PDS5B: variants seen among roughly 807,000 people sequenced by gnomAD.
The protein encoded by PDS5B is PDS5 cohesin associated factor B.
A neutral mutation model predicts 184.1 loss-of-function variants in PDS5B; 51 were observed. That is an observed-to-expected ratio of 0.28 (90% CI 0.22 to 0.35). The LOEUF is 0.35. PDS5B is among the 10% of genes least tolerant of loss of function. The pLI, the probability that PDS5B is intolerant of heterozygous loss-of-function variation, is 1.00. For missense variants in PDS5B, 1,180 were observed against 1,723.3 expected (o/e 0.68, Z 5.58); for synonymous variants, 566 against 569.2 (o/e 0.99, Z 0.08).
At chr13:32,705,953 C>T (rs1261944112) in intron 17 of PDS5B, among the ~76,000 whole-genome samples, 1 of 152,038 alleles carries the variant, frequency 6.6e-6, no homozygotes, top group Non-Finnish European at 1.5e-5. Context: ...AGGAGTGAGC[C>T]ACTGTGCCTG....
chr13:32,594,693 A>ATTTGTT (rs2057831179), intron 1 of PDS5B, among the ~76,000 whole-genome samples: 1 of 152,198 alleles, frequency 6.6e-6, no homozygotes, highest in African/African-American at 2.4e-5. Flanking sequence ...GTCTTAAACT[A>ATTTGTT]TTTGTTTTTG....
intron 31 of PDS5B, among the ~76,000 whole-genome samples, chr13:32,769,287 C>T (rs1269035648): frequency 6.6e-6 from 1 of 152,154 alleles, no homozygotes; most frequent in Non-Finnish European, 1.5e-5. Context: ...AGTTCACATA[C>T]AGGAAGCTCA....
chr13:32,714,268 CAG>C (rs1952300092), intron 19 of PDS5B, among the ~76,000 whole-genome samples: 1 of 152,158 alleles, frequency 6.6e-6, no homozygotes, highest in Admixed American at 6.5e-5. Context: ...AATCAGGAGA[CAG>C]CGTTTTGAGA....
intron 15 of PDS5B, 88 bp downstream of exon 15, chr13:32,696,990 G>T (rs1951726359): frequency 4.0e-6 from 3 of 758,142 alleles, no homozygotes; most frequent in Admixed American, 5.4e-5. Flanking sequence ...TTTGTTATAG[G>T]CTATGATAAT....
chr13:32,695,847 T>A (rs952564292), intron 14 of PDS5B, among the ~76,000 whole-genome samples: 2 of 152,060 alleles, frequency 1.3e-5, no homozygotes, highest in Non-Finnish European at 2.9e-5. Flanking sequence ...TCAGCTAGAA[T>A]GTTTTAGTTC....
Position 32,770,196 on chromosome 13 carries a change from T to C in PDS5B, c.3700T>C (p.Leu1234=), listed in dbSNP as rs1479884363. ...EQEEKLGMDD[L]TKLVQEQKPK... ...GGAGGAGAAATTAGGTATGGATGAC[T>C]TGACTAAGTTGGTACAGGAACAGAA... Residue 1234 remains leucine (L), a synonymous_variant, in exon 32 of 35, where the codon TTG becomes CTG. Transcript: ENST00000315596. 3 of 1,613,926 alleles carry C rather than the reference T, an allele frequency of 1.9e-6. No individual in the cohort carries two copies. Among genetic ancestry groups the C allele is most frequent in the Non-Finnish European group, 2.5e-6 (3 of 1,179,964 alleles).
At chr13:32,684,098 TTAAA>T (rs1202902657) in intron 11 of PDS5B, 75 bp downstream of exon 11, 2 of 696,584 alleles carry the variant, frequency 2.9e-6, no homozygotes, top group Non-Finnish European at 4.4e-6. Context: ...GAAAATATAT[TTAAA>T]TATACATATT....
chr13:32,598,148 G>A (rs934559822), intron 1 of PDS5B, among the ~76,000 whole-genome samples: 10 of 150,696 alleles, frequency 6.6e-5, no homozygotes, highest in African/African-American at 2.0e-4. Context: ...TGATCTTGGC[G>A]CACTGCAACC....
chr13:32,654,536 T>TA (rs1210577551), intron 3 of PDS5B, among the ~76,000 whole-genome samples: 1 of 152,022 alleles, frequency 6.6e-6, no homozygotes, highest in African/African-American at 2.4e-5. Flanking sequence ...CCTTTTTTTT[T>TA]AAAAAATTGT....
In PDS5B at chr13:32,692,414, C is replaced by CTTTTTTTTTTTTTTTTTTTT. The variant is rs1593440334; in HGVS notation, c.1470-1809_1470-1808insTTTTTTTTTTTTTTTTTTTT. On this transcript the variant is annotated intron_variant, in intron 13 of 34. Coordinates refer to ENST00000315596, the MANE Select transcript of PDS5B (RefSeq NM_015032.4). ...ATTAAACAAGTTTGCGTCCAAAAAG[C>CTTTTTTTTTTTTTTTTTTTT]CTTTTTTTTTTTTTTTTTTTTTTTT... 3.9e-4 allele frequency among the ~76,000 whole-genome samples: 27 copies of CTTTTTTTTTTTTTTTTTTTT among 69,152 alleles called. 13 individuals carry two copies. Among genetic ancestry groups the CTTTTTTTTTTTTTTTTTTTT allele is most frequent in the Admixed American group, 7.9e-4 (4 of 5,080 alleles). The allele number at this position is 69,152 out of a possible 152,430, so 45.4% of individuals were successfully genotyped here. A position where few individuals can be genotyped will look rare whatever the true frequency, so the allele number is the denominator to read the frequency against.
intron 1 of PDS5B, among the ~76,000 whole-genome samples, chr13:32,636,654 C>T (rs1200070991): frequency 6.6e-6 from 1 of 152,168 alleles, no homozygotes; most frequent in Non-Finnish European, 1.5e-5. Context: ...TTAGTAAGAA[C>T]ATTTATTCAG....
At chr13:32,665,143 A>G (rs1323215975) in intron 6 of PDS5B, among the ~76,000 whole-genome samples, 7 of 152,270 alleles carry the variant, frequency 4.6e-5, no homozygotes, top group African/African-American at 1.4e-4. Flanking sequence ...TCAAAGGGGG[A>G]ATAAGAAATT....
At chr13:32,764,460 A>G (rs1377192243) in intron 30 of PDS5B, 29 bp from the exon 31 acceptor site, 3 of 1,330,268 alleles carry the variant, frequency 2.3e-6, no homozygotes, top group Admixed American at 4.1e-5. Context: ...TTTGATTGTA[A>G]TAACAATTAC....
At chr13:32,761,344 G>GT (rs569699919) in intron 30 of PDS5B, among the ~76,000 whole-genome samples, 13 of 151,482 alleles carry the variant, frequency 8.6e-5, no homozygotes, top group South Asian at 2.1e-4. Flanking sequence ...TTGCTTTTTT[G>GT]TTTTTTTTAA....
Position 32,699,887 on chromosome 13 carries a change from CTGA to C in PDS5B, c.1740+21_1740+23del, listed in dbSNP as rs1566344722. ...GTTGTGTGGTAAGGAGAGAAAAGAG[CTGA>C]TGTTTGAAAAAGCCCCCAAATCTTC... On this transcript the variant is annotated intron_variant, in intron 16 of 34. Transcript: ENST00000315596. The C allele has an allele frequency of 6.5e-7, 1 of 1,526,982 alleles. No homozygotes were observed. The highest frequency in any genetic ancestry group is 2.4e-5 in the Admixed American group (1 of 40,924). The allele number at this position is 1,526,982 out of a possible 1,614,324, so 94.6% of individuals were successfully genotyped here. A position where few individuals can be genotyped will look rare whatever the true frequency, so the allele number is the denominator to read the frequency against.
At chr13:32,605,907 T>C (rs7322804) in intron 1 of PDS5B, among the ~76,000 whole-genome samples, 2,148 of 150,570 alleles carry the variant, frequency 0.014, 58 homozygotes, top group African/African-American at 0.048. Flanking sequence ...TTTTTTTTTT[T>C]CCCATTTGCT....
chr13:32,701,638 A>G (rs1951865989), intron 17 of PDS5B, among the ~76,000 whole-genome samples, 200 bp downstream of exon 17: 1 of 149,706 alleles, frequency 6.7e-6, no homozygotes, highest in Non-Finnish European at 1.5e-5. Context: ...ATATATATAC[A>G]CTCATCTGTA....
At chr13:32,651,503 G>T (rs1043648435) in intron 2 of PDS5B, among the ~76,000 whole-genome samples, 1 of 152,172 alleles carries the variant, frequency 6.6e-6, no homozygotes, top group Non-Finnish European at 1.5e-5. Context: ...GAGACCAGAA[G>T]TTTCCACAAA....
chr13:32,673,782 A>G (rs1268059222), intron 8 of PDS5B, among the ~76,000 whole-genome samples: 1 of 152,046 alleles, frequency 6.6e-6, no homozygotes, highest in Admixed American at 6.6e-5. Context: ...GCCTATGTTG[A>G]AAGTTTGTTT....
Sources: allele counts gnomAD v4.1 joint callset (sites outside exome capture counted in the v4.1 genomes callset), GRCh38; gene constraint gnomAD v4.1.1; transcripts MANE v1.5; gene names NCBI Gene and HGNC (gene_info 2026-07-23, HGNC 2026-07-21).